SIL1: variants seen among roughly 807,000 people sequenced by gnomAD.
SIL1 encodes nucleotide exchange factor SIL1.
In SIL1, 40 loss-of-function variants were observed where a neutral mutation model predicts 49.1. The ratio of observed to expected loss-of-function variants is 0.81; its 90% CI spans 0.63 to 1.06. The LOEUF is 1.06. SIL1 is among the 50% of genes least tolerant of loss of function. The pLI, the probability that SIL1 is intolerant of heterozygous loss-of-function variation, is 0.00. For missense variants in SIL1, 500 were observed against 572.6 expected, an observed-to-expected ratio of 0.87 and a Z score of 1.29; for synonymous variants, 253 against 250.8, an observed-to-expected ratio of 1.01 and a Z score of -0.08.
At chr5:138,959,234 A>C (rs1044671322) in intron 7 of SIL1, among the ~76,000 whole-genome samples, 4 of 152,216 alleles carry the variant, frequency 2.6e-5, no homozygotes, top group African/African-American at 9.6e-5. Flanking sequence ...ATAATCTCAG[A>C]GAACGTGGCT....
intron 4 of SIL1, among the ~76,000 whole-genome samples, chr5:139,048,149 A>G (rs1769207031): frequency 6.6e-6 from 1 of 151,924 alleles, no homozygotes; most frequent in South Asian, 2.1e-4. Context: ...TTATTTATAT[A>G]TTTTGCTTAT....
chr5:139,183,695 T>C (rs1243330088), intron 1 of SIL1, among the ~76,000 whole-genome samples: 1 of 152,224 alleles, frequency 6.6e-6, no homozygotes, highest in African/African-American at 2.4e-5. Flanking sequence ...GCACAACAGC[T>C]GCTGGGAAGA....
intron 7 of SIL1, among the ~76,000 whole-genome samples, chr5:138,990,206 A>G (rs757443335): frequency 6.6e-6 from 1 of 152,176 alleles, no homozygotes; most frequent in Non-Finnish European, 1.5e-5. Context: ...CATCTAGACA[A>G]TGAGGACTGT....
chr5:139,134,938 C>G (rs570709004), intron 1 of SIL1, among the ~76,000 whole-genome samples: 1 of 152,242 alleles, frequency 6.6e-6, no homozygotes, highest in South Asian at 2.1e-4. Context: ...TTTAAGCAGA[C>G]AAATATGAAG....
intron 7 of SIL1, among the ~76,000 whole-genome samples, chr5:138,976,017 T>G (rs1270901814): frequency 6.6e-6 from 1 of 152,262 alleles, no homozygotes; most frequent in Non-Finnish European, 1.5e-5. Context: ...TTCACAGCAT[T>G]GTTTCCAGAA....
In SIL1 at chr5:138,947,468, G is replaced by A. The variant is rs757838511; in HGVS notation, c.1035C>T (p.Phe345=). 9 of 1,613,098 alleles carry A rather than the reference G, an allele frequency of 5.6e-6. No homozygotes were observed. Among genetic ancestry groups the A allele is most frequent in the African/African-American group, 5.3e-5 (4 of 74,908 alleles). Residue 345 remains phenylalanine (F), a synonymous_variant, in exon 10 of 10, where the codon TTC becomes TTT. Coordinates refer to ENST00000394817, the MANE Select transcript of SIL1 (RefSeq NM_022464.5). This position sits in a 1 kb window ranked among gnomAD's most constrained non-coding sequence, Gnocchi z 4.1. ...LLYDLVTEKM[F]AEEEAELTQE... is the part of the protein sequence containing the mutation. The stretch of plus-strand genomic sequence containing the variant: ...GGGTCAGCTCAGCCTCCTCCTCGGC[G>A]AACATCTGCCATCCGCCACAGCCGC...
rs752866273 is a variant in SIL1, at chr5:138,947,247, C to T, written c.1256G>A (p.Gly419Asp). 1 of 1,613,524 alleles carries T rather than the reference C, an allele frequency of 6.2e-7. No homozygotes were observed. Among genetic ancestry groups the T allele is most frequent in the Non-Finnish European group, 8.5e-7 (1 of 1,179,996 alleles). ...AGCCTGCAGGCTGGCCAGTGTCCTG[C>T]CGAGCTGGGGGTCCTGACGGTAGCG... Reference protein sequence around the residue: ...RDRYRQDPQLGRTLASLQAEY... With the variant: ...RDRYRQDPQLDRTLASLQAEY... Residue 419 changes from glycine to aspartate, a missense_variant, in exon 10 of 10, where the codon GGC (glycine) becomes GAC (aspartate). Gly to Asp is a moderately conservative substitution (Grantham distance 94, BLOSUM62 -1). Coordinates refer to ENST00000394817, the MANE Select transcript of SIL1 (RefSeq NM_022464.5). The surrounding 1 kb of genome is among the most constrained non-coding windows in gnomAD (Gnocchi z 4.1).
At chr5:139,146,568 TAATAA>T (rs1319186391) in intron 1 of SIL1, among the ~76,000 whole-genome samples, 1 of 152,058 alleles carries the variant, frequency 6.6e-6, no homozygotes, top group African/African-American at 2.4e-5. Flanking sequence ...AAAAAATGTT[TAATAA>T]AATAAAAATA....
chr5:139,165,043 T>TTTCCTTTC (rs1751588198), intron 1 of SIL1, among the ~76,000 whole-genome samples: 1 of 152,206 alleles, frequency 6.6e-6, no homozygotes, highest in African/African-American at 2.4e-5. Flanking sequence ...ACCCCCTTGT[T>TTTCCTTTC]TTCCTTTCTT....
intron 1 of SIL1, among the ~76,000 whole-genome samples, chr5:139,173,969 A>AG (rs1455665461): frequency 2.0e-5 from 3 of 150,732 alleles, no homozygotes; most frequent in African/African-American, 7.3e-5. Context: ...AAAAAATAAA[A>AG]GAAAAAAAAA....
chr5:139,081,883 A>C (rs545863469), intron 3 of SIL1, among the ~76,000 whole-genome samples: 39 of 152,182 alleles, frequency 2.6e-4, no homozygotes, highest in Non-Finnish European at 4.6e-4. Context: ...TGTCTTAAAA[A>C]AAAAAAACAA....
intron 5 of SIL1, among the ~76,000 whole-genome samples, chr5:139,038,980 G>C (rs1039703932): frequency 1.3e-5 from 2 of 152,186 alleles, no homozygotes; most frequent in African/African-American, 4.8e-5. Flanking sequence ...CAAGTTCCCT[G>C]CTTAGCCTCT....
At chr5:138,962,111 CT>C (rs370814975) in intron 7 of SIL1, among the ~76,000 whole-genome samples, 12 of 149,146 alleles carry the variant, frequency 8.0e-5, no homozygotes, top group South Asian at 2.1e-4. Context: ...TTATTGGTTT[CT>C]TTTTTTTTTC....
At chr5:139,031,565 C>T (rs1561835866) in intron 5 of SIL1, among the ~76,000 whole-genome samples, 1 of 152,106 alleles carries the variant, frequency 6.6e-6, no homozygotes, top group Non-Finnish European at 1.5e-5. Flanking sequence ...TCCACTTATT[C>T]TTCTTTTTAA....
intron 7 of SIL1, 153 bp downstream of exon 7, chr5:139,021,018 C>G (rs573510688): frequency 8.4e-6 from 9 of 1,073,280 alleles, no homozygotes; most frequent in African/African-American, 7.8e-5. Context: ...AAATTCCTAT[C>G]TACTTGGAAT....
rs115073469 is a variant in SIL1 at position 138,956,940 on chromosome 5, T to C, written c.768-5056A>G. 6.4e-3 allele frequency among the ~76,000 whole-genome samples: 977 copies of C among 152,136 alleles called. 10 individuals carry two copies. Among genetic ancestry groups the C allele is most frequent in the African/African-American group, 0.02 (833 of 41,496 alleles). On this transcript the variant is annotated intron_variant, in intron 7 of 9. Coordinates refer to ENST00000394817, the MANE Select transcript of SIL1 (RefSeq NM_022464.5). ...GACCTGTATGGCCTCAGGAGTTCCA[T>C]CTGGACACTGGGGAAAGGCAGGGCT...
At chr5:139,111,499 T>A (rs558010445) in intron 3 of SIL1, among the ~76,000 whole-genome samples, 3 of 152,286 alleles carry the variant, frequency 2.0e-5, no homozygotes, top group Admixed American at 1.3e-4. Flanking sequence ...AAGCCTTTCC[T>A]TCAGTGTCCT....
At chr5:139,097,662 G>C (rs1334286612) in intron 3 of SIL1, among the ~76,000 whole-genome samples, 1 of 151,860 alleles carries the variant, frequency 6.6e-6, no homozygotes, top group Non-Finnish European at 1.5e-5. Flanking sequence ...ATTTTTAGTA[G>C]AGACACGGTT....
At chr5:139,143,338 C>CATATATATATATATATAT (rs1251442889) in intron 1 of SIL1, among the ~76,000 whole-genome samples, 11 of 84,216 alleles carry the variant, frequency 1.3e-4, no homozygotes, top group African/African-American at 6.6e-4. Flanking sequence ...CACACACACA[C>CATATATATATATATATAT]ACACACATAT....
Sources: gnomAD v4.1 joint callset for allele counts (sites outside exome capture counted in the v4.1 genomes callset) on GRCh38, gnomAD v4.1.1 for gene constraint, Gnocchi (gnomAD v3.1) non-coding constraint, MANE v1.5 for transcripts, NCBI Gene and HGNC (gene_info 2026-07-23, HGNC 2026-07-21) for gene names.